Variants in CDH20 observed in about 807,000 individuals in gnomAD.
CDH20 encodes the protein cadherin 20, also known as cadherin-20.
In CDH20, 29 loss-of-function variants were observed where a neutral mutation model predicts 74.2. That is an observed-to-expected ratio of 0.39 (90% CI 0.29 to 0.53). The LOEUF (loss-of-function observed/expected upper bound fraction) is 0.53, where lower values mean the gene tolerates loss of function less well. CDH20 is among the 20% of genes least tolerant of loss of function. The pLI, the probability that CDH20 is intolerant of heterozygous loss-of-function variation, is 0.69. For synonymous variants in CDH20, 469 were observed against 405.4 expected, an observed-to-expected ratio of 1.16 and a Z score of -1.88; for missense variants, 988 against 1,048.3, an observed-to-expected ratio of 0.94 and a Z score of 0.79.
At chr18:61,482,630 T>C (rs1311468650) in intron 1 of CDH20, among the ~76,000 whole-genome samples, 3 of 130,318 alleles carry the variant, frequency 2.3e-5, no homozygotes, top group African/African-American at 8.9e-5. Flanking sequence ...CCACATATAT[T>C]AGTATCATAT....
rs536949017 is a variant in CDH20 at position 61,526,368 on chromosome 18, G to A, written c.1018-1599G>A. Among the ~76,000 whole-genome samples, 11 of 151,824 alleles carry A rather than the reference G, an allele frequency of 7.2e-5. 1 individual carries two copies. The highest frequency in any genetic ancestry group is 2.6e-4 in the Admixed American group (4 of 15,250). ...AAATCTAGTTAAAGCAGCACCTACCGATATTTTTTTCTGAAAAGCCAAGCA... is the reference window on the plus strand; with the variant it reads ...AAATCTAGTTAAAGCAGCACCTACCAATATTTTTTTCTGAAAAGCCAAGCA... On this transcript the variant is annotated intron_variant, in intron 6 of 11. Transcript: ENST00000262717.
At chr18:61,458,129 T>C (rs1909640935) in intron 1 of CDH20, among the ~76,000 whole-genome samples, 1 of 152,200 alleles carries the variant, frequency 6.6e-6, no homozygotes, top group African/African-American at 2.4e-5. Flanking sequence ...AGTCTTGCTA[T>C]GAGACCTTCT....
chr18:61,436,821 T>C (rs1184389524), intron 1 of CDH20, among the ~76,000 whole-genome samples: 2 of 152,036 alleles, frequency 1.3e-5, no homozygotes, highest in Non-Finnish European at 2.9e-5. Flanking sequence ...CTGCATTGAG[T>C]CTGGAGACTT....
chr18:61,531,267 G>A (rs961669090), intron 7 of CDH20, among the ~76,000 whole-genome samples: 1 of 152,212 alleles, frequency 6.6e-6, no homozygotes, highest in Admixed American at 6.5e-5. Context: ...CTGTGGGTTA[G>A]TTATTTCTAT....
chr18:61,374,771 C>T (rs1911159695), intron 1 of CDH20, among the ~76,000 whole-genome samples: 1 of 151,996 alleles, frequency 6.6e-6, no homozygotes, highest in Non-Finnish European at 1.5e-5. Context: ...ACTAGATGCA[C>T]CTGTCTACAC....
Position 61,490,817 on chromosome 18 carries a change from G to A in CDH20, c.246+18G>A, listed in dbSNP as rs921394838. 1.2e-6 allele frequency: 2 copies of A among 1,613,028 alleles called. No homozygotes were observed. The highest frequency in any genetic ancestry group is 2.7e-5 in the African/African-American group (2 of 74,892). Reference sequence around the variant, plus strand: ...TCGGCAAGGTAAGAAATGCCAAGTAGAAATGACCCGGGTATTGGATATTGA... The same window carrying A: ...TCGGCAAGGTAAGAAATGCCAAGTAAAAATGACCCGGGTATTGGATATTGA... On this transcript the variant is annotated intron_variant, in intron 2 of 11. Coordinates refer to ENST00000262717, the MANE Select transcript of CDH20 (RefSeq NM_031891.4).
Position 61,555,000 on chromosome 18 carries a change from A to T in CDH20, c.*305A>T. On this transcript the variant is annotated 3_prime_UTR_variant, in exon 12 of 12. Coordinates refer to ENST00000262717, the MANE Select transcript of CDH20 (RefSeq NM_031891.4). ...CTGACAAGGGTGGCTTTTCTCTGCCATTCGCTAAGGCCTTTGTCACTTTTC... is the reference window on the plus strand; with the variant it reads ...CTGACAAGGGTGGCTTTTCTCTGCCTTTCGCTAAGGCCTTTGTCACTTTTC... The T allele has an allele frequency of 8.2e-7, 1 of 1,214,492 alleles. No homozygotes were observed. Among genetic ancestry groups the T allele is most frequent in the Non-Finnish European group, 1.0e-6 (1 of 971,910 alleles). The allele number at this position is 1,214,492 out of a possible 1,614,324, so 75.2% of individuals were successfully genotyped here.
chr18:61,460,738 T>C (rs1050271209), intron 1 of CDH20, among the ~76,000 whole-genome samples: 4 of 152,224 alleles, frequency 2.6e-5, no homozygotes, highest in African/African-American at 7.2e-5. Flanking sequence ...TATGGTTTAT[T>C]TATTGCATAA....
intron 1 of CDH20, among the ~76,000 whole-genome samples, chr18:61,380,702 G>C (rs1911406788): frequency 6.6e-6 from 1 of 152,164 alleles, no homozygotes. Flanking sequence ...CCAGCTACTT[G>C]GGAGGCTGAG....
chr18:61,443,532 A>G (rs1010124428), intron 1 of CDH20, among the ~76,000 whole-genome samples: 2 of 152,176 alleles, frequency 1.3e-5, no homozygotes, highest in South Asian at 4.1e-4. Context: ...TCTATGCTCC[A>G]GAGCCGTGCT....
intron 1 of CDH20, among the ~76,000 whole-genome samples, chr18:61,384,018 T>C (rs1176068409): frequency 6.6e-6 from 1 of 152,174 alleles, no homozygotes; most frequent in Non-Finnish European, 1.5e-5. Flanking sequence ...CTTTCTTCTC[T>C]TTTCTGAAAA....
At chr18:61,465,106 C>T (rs1359724990) in intron 1 of CDH20, among the ~76,000 whole-genome samples, 2 of 152,242 alleles carry the variant, frequency 1.3e-5, no homozygotes, top group African/African-American at 2.4e-5. Flanking sequence ...TAAACATGCT[C>T]TTCACAGAGC....
At chr18:61,479,086 C>T (rs1443723982) in intron 1 of CDH20, among the ~76,000 whole-genome samples, 1 of 151,978 alleles carries the variant, frequency 6.6e-6, no homozygotes, top group East Asian at 1.9e-4. Flanking sequence ...TATAAAATAT[C>T]TTCACTACAT....
At chr18:61,500,654 T>C in intron 4 of CDH20, 152 bp downstream of exon 4, 1 of 728,092 alleles carries the variant, frequency 1.4e-6, no homozygotes, top group Middle Eastern at 4.0e-4. Context: ...GAGAGCAAAC[T>C]AGCACTGCCC....
chr18:61,483,637 A>G (rs1253739593), intron 1 of CDH20, among the ~76,000 whole-genome samples: 1 of 152,122 alleles, frequency 6.6e-6, no homozygotes, highest in Non-Finnish European at 1.5e-5. Flanking sequence ...TAATGGTAAT[A>G]CCTCCCTCCT....
chr18:61,541,845 G>T (rs1913051750), intron 9 of CDH20, among the ~76,000 whole-genome samples: 1 of 152,174 alleles, frequency 6.6e-6, no homozygotes, highest in African/African-American at 2.4e-5. Flanking sequence ...CTTGGTGATG[G>T]ACAAGGGCGG....
intron 1 of CDH20, among the ~76,000 whole-genome samples, chr18:61,382,799 G>A (rs1911475266): frequency 6.6e-6 from 1 of 152,214 alleles, no homozygotes. Context: ...AAGGAGACAT[G>A]TTAACATACA....
intron 1 of CDH20, among the ~76,000 whole-genome samples, chr18:61,402,362 G>T (rs1347500620): frequency 1.3e-5 from 2 of 151,946 alleles, no homozygotes; most frequent in African/African-American, 4.8e-5. Flanking sequence ...TCCAAATATA[G>T]GACAACATAG....
chr18:61,528,659 T>C (rs1691786785), intron 7 of CDH20, among the ~76,000 whole-genome samples: 1 of 152,114 alleles, frequency 6.6e-6, no homozygotes, highest in Admixed American at 6.6e-5. Context: ...TATTGCCAAA[T>C]GTCCAGGGAA....
Sources: gnomAD v4.1 joint callset for allele counts (sites outside exome capture counted in the v4.1 genomes callset) on GRCh38, gnomAD v4.1.1 for gene constraint, MANE v1.5 for transcripts, NCBI Gene and HGNC (gene_info 2026-07-23, HGNC 2026-07-21) for gene names.